NTM: variants seen among roughly 807,000 people sequenced by gnomAD.
The protein encoded by NTM is neurotrimin, also known as IgLON family member 2.
Under a neutral mutation model 42.1 loss-of-function variants are expected in NTM, and 13 were observed. The ratio of observed to expected loss-of-function variants is 0.31; its 90% confidence interval spans 0.20 to 0.49. The LOEUF is 0.49. Ranked by LOEUF, NTM falls within the 20% of genes least tolerant of loss-of-function variation. The pLI is 0.99. For synonymous variants in NTM, 187 were observed against 179.2 expected (o/e 1.04, Z -0.35); for missense variants, 373 against 452.8 (o/e 0.82, Z 1.60).
intron 2 of NTM, among the ~76,000 whole-genome samples, chr11:132,021,418 G>A (rs1223676276): frequency 2.0e-5 from 3 of 152,060 alleles, no homozygotes; most frequent in Non-Finnish European, 4.4e-5. Context: ...TTTTGTATGG[G>A]TCACAGTTTC....
intron 1 of NTM, among the ~76,000 whole-genome samples, chr11:131,437,182 C>G (rs1420585431): frequency 2.0e-5 from 3 of 152,166 alleles, no homozygotes; most frequent in Non-Finnish European, 2.9e-5. Flanking sequence ...TTCACATTTG[C>G]TGAGGAGTGC....
intron 2 of NTM, among the ~76,000 whole-genome samples, chr11:132,084,220 G>T (rs1353159305): frequency 6.6e-6 from 1 of 152,036 alleles, no homozygotes; most frequent in Non-Finnish European, 1.5e-5. Flanking sequence ...GACAACAATT[G>T]TCTATGAATA....
chr11:132,164,412 A>G (rs534262931), intron 3 of NTM, among the ~76,000 whole-genome samples: 26 of 152,344 alleles, frequency 1.7e-4, no homozygotes, highest in African/African-American at 5.1e-4. Flanking sequence ...CTCACTGGGC[A>G]TTCTCATGAG....
intron 1 of NTM, among the ~76,000 whole-genome samples, chr11:131,429,236 G>C (rs574645192): frequency 7.3e-4 from 111 of 152,152 alleles, no homozygotes; most frequent in Non-Finnish European, 1.4e-3. Flanking sequence ...CCTCTCAGGA[G>C]AGAGATGCCA....
chr11:132,218,337 A>C (rs2122238), intron 4 of NTM, among the ~76,000 whole-genome samples: 55,711 of 152,058 alleles, frequency 0.37, 10,716 homozygotes, highest in Middle Eastern at 0.54. Context: ...AATTCTAGAC[A>C]ACTCTTGGAA....
intron 1 of NTM, among the ~76,000 whole-genome samples, chr11:131,820,934 C>T (rs1333012726): frequency 6.6e-6 from 1 of 152,054 alleles, no homozygotes; most frequent in African/African-American, 2.4e-5. Flanking sequence ...CTTGTGCACA[C>T]ACACAAGCCT....
intron 2 of NTM, among the ~76,000 whole-genome samples, chr11:132,031,148 C>T (rs1223259253): frequency 6.6e-6 from 1 of 152,154 alleles, no homozygotes; most frequent in African/African-American, 2.4e-5. Flanking sequence ...GTATACCCTG[C>T]CAACAGTAGG....
intron 1 of NTM, among the ~76,000 whole-genome samples, chr11:131,857,894 A>T (rs1337430293): frequency 6.6e-6 from 1 of 151,998 alleles, no homozygotes; most frequent in Non-Finnish European, 1.5e-5. Context: ...ACATCTCATC[A>T]TTTGCAGGAT....
intron 1 of NTM, among the ~76,000 whole-genome samples, chr11:131,599,832 A>T (rs976365915): frequency 6.6e-6 from 1 of 152,166 alleles, no homozygotes; most frequent in East Asian, 1.9e-4. Flanking sequence ...ATGGTTGGGG[A>T]TTTCTCCCAG....
At chr11:131,932,031 A>G (rs2058690393) in intron 2 of NTM, among the ~76,000 whole-genome samples, 2 of 152,250 alleles carry the variant, frequency 1.3e-5, no homozygotes, top group Admixed American at 6.5e-5. Flanking sequence ...TGTCAGAACC[A>G]GGAAGACTGA....
intron 2 of NTM, among the ~76,000 whole-genome samples, chr11:132,077,131 T>A (rs143870013): frequency 6.6e-6 from 1 of 152,184 alleles, no homozygotes; most frequent in African/African-American, 2.4e-5. Context: ...GCCAACCCTA[T>A]GGACTTGTTG....
chr11:132,249,865 C>G (rs2091727657), intron 4 of NTM, among the ~76,000 whole-genome samples: 1 of 152,240 alleles, frequency 6.6e-6, no homozygotes, highest in African/African-American at 2.4e-5. Context: ...AATTTTCTCT[C>G]TCTTGGCCCA....
intron 1 of NTM, among the ~76,000 whole-genome samples, chr11:131,524,809 G>A (rs575285195): frequency 9.2e-5 from 14 of 152,292 alleles, no homozygotes; most frequent in East Asian, 3.9e-4. Flanking sequence ...GATCAGTGGC[G>A]GCCGGGACCA....
chr11:132,180,603 G>A (rs1215673167), intron 3 of NTM, among the ~76,000 whole-genome samples: 1 of 151,884 alleles, frequency 6.6e-6, no homozygotes, highest in Non-Finnish European at 1.5e-5. Context: ...CCAACCAACC[G>A]AACAAAAAAA....
At chr11:131,732,395 C>T (rs1237684287) in intron 1 of NTM, among the ~76,000 whole-genome samples, 1 of 152,178 alleles carries the variant, frequency 6.6e-6, no homozygotes, top group Non-Finnish European at 1.5e-5. Context: ...CTCACCATGT[C>T]TGTGGGTCCT....
At chr11:131,581,421 T>C (rs2058401388) in intron 1 of NTM, among the ~76,000 whole-genome samples, 1 of 152,202 alleles carries the variant, frequency 6.6e-6, no homozygotes, top group Admixed American at 6.5e-5. Context: ...CGAATTTAGT[T>C]GAAAGCTCCA....
chr11:131,472,374 G>T (rs1008384572), intron 1 of NTM, among the ~76,000 whole-genome samples: 10 of 152,202 alleles, frequency 6.6e-5, no homozygotes, highest in African/African-American at 2.4e-4. Flanking sequence ...AAAAGGAAGG[G>T]AATGTGGATA....
intron 1 of NTM, among the ~76,000 whole-genome samples, chr11:131,753,959 G>T (rs1324404591): frequency 6.6e-6 from 1 of 151,694 alleles, no homozygotes; most frequent in Admixed American, 6.6e-5. Flanking sequence ...GCCATAAAAA[G>T]TGATGAGTTC....
At position 131,660,334 on chromosome 11, in the gene NTM, T is replaced by C. The variant is rs562403954; in HGVS notation, c.83-251230T>C. The C allele has an allele frequency of 7.1e-5, 26 of 368,152 alleles. No individual in the cohort carries two copies. The East Asian group carries it at 1.8e-3, about 25-fold the overall frequency. 22.8% of individuals were successfully genotyped at this position (368,152 alleles called of 1,614,324 possible). A position where few individuals can be genotyped will look rare whatever the true frequency, so the allele number is the denominator to read the frequency against. On this transcript the variant is annotated intron_variant, in intron 1 of 8. Transcript: ENST00000683400. ...AGATGCTGCAGGATGAAGAGGGGGA[T>C]GGAGACCTTGGGTGAATTCATTCAC...
Sources: gnomAD v4.1 joint callset for allele counts (sites outside exome capture counted in the v4.1 genomes callset) on GRCh38, gnomAD v4.1.1 for gene constraint, MANE v1.5 for transcripts, NCBI Gene and HGNC (gene_info 2026-07-23, HGNC 2026-07-21) for gene names.